TASP1: variants seen among roughly 807,000 people sequenced by gnomAD.
TASP1 encodes the protein threonine aspartase 1.
In TASP1, 16 loss-of-function variants were observed where a neutral mutation model predicts 56.6. The ratio of observed to expected loss-of-function variants is 0.28; its 90% CI spans 0.19 to 0.43. The LOEUF is 0.43. Among genes scored for constraint, TASP1 ranks in the 20% least tolerant of loss-of-function variants. TASP1 has a pLI of 1.00. For missense variants in TASP1, 393 were observed against 511.6 expected (o/e 0.77, Z 2.24); for synonymous variants, 179 against 184.2 (o/e 0.97, Z 0.23).
At chr20:13,394,603 C>A (rs1466430772) in intron 13 of TASP1, among the ~76,000 whole-genome samples, 1 of 150,902 alleles carries the variant, frequency 6.6e-6, no homozygotes, top group Admixed American at 6.6e-5. Context: ...CAGAGCGAGA[C>A]TCTATCTCAA....
chr20:13,378,883 C>T, the TASP1 span, among the ~76,000 whole-genome samples: 1 of 152,144 alleles, frequency 6.6e-6, no homozygotes, highest in Non-Finnish European at 1.5e-5. Flanking sequence ...TTATCAAATA[C>T]TAAGATTGCC....
At chr20:13,402,198 T>A (rs1237978161) in intron 13 of TASP1, among the ~76,000 whole-genome samples, 2 of 152,236 alleles carry the variant, frequency 1.3e-5, no homozygotes, top group African/African-American at 4.8e-5. Context: ...TGTTTTTCTA[T>A]TTATTGCTTT....
the TASP1 span, among the ~76,000 whole-genome samples, chr20:13,257,168 A>G: frequency 6.6e-6 from 1 of 152,194 alleles, no homozygotes; most frequent in African/African-American, 2.4e-5. Flanking sequence ...ATTTTCCTGT[A>G]TGTCTTATTG....
intron 11 of TASP1, among the ~76,000 whole-genome samples, chr20:13,442,741 G>A (rs1443008352): frequency 1.3e-5 from 2 of 151,992 alleles, no homozygotes; most frequent in Non-Finnish European, 2.9e-5. Context: ...AGGCTACCAT[G>A]CAAGCTTATA....
the TASP1 span, among the ~76,000 whole-genome samples, chr20:13,331,530 A>G: frequency 6.6e-6 from 1 of 152,210 alleles, no homozygotes; most frequent in Non-Finnish European, 1.5e-5. Flanking sequence ...TGATAAAGAA[A>G]AGTCTCAGCT....
intron 11 of TASP1, among the ~76,000 whole-genome samples, chr20:13,462,086 C>T (rs1210981349): frequency 4.6e-5 from 7 of 152,042 alleles, no homozygotes; most frequent in Non-Finnish European, 8.8e-5. Flanking sequence ...GACCTCTGGA[C>T]ATCTTATTAT....
the TASP1 span, among the ~76,000 whole-genome samples, chr20:13,237,585 A>G: frequency 1.3e-5 from 2 of 152,196 alleles, no homozygotes; most frequent in African/African-American, 4.8e-5. Context: ...CAAGGAGGGC[A>G]GCTAGGGTGC....
intron 6 of TASP1, among the ~76,000 whole-genome samples, chr20:13,573,278 T>C (rs533159311): frequency 6.6e-6 from 1 of 152,306 alleles, no homozygotes; most frequent in Admixed American, 6.5e-5. Flanking sequence ...GGTATTGGGA[T>C]TGCATTAGGA....
the TASP1 span, among the ~76,000 whole-genome samples, chr20:13,294,177 A>G: frequency 6.6e-6 from 1 of 152,132 alleles, no homozygotes; most frequent in Non-Finnish European, 1.5e-5. Context: ...ATTTTGCCAG[A>G]TTATATCTTA....
chr20:13,520,727 T>A (rs1290833610), intron 10 of TASP1, among the ~76,000 whole-genome samples: 2 of 152,046 alleles, frequency 1.3e-5, no homozygotes, highest in African/African-American at 4.8e-5. Context: ...GGACTTCATG[T>A]CTAAAACACC....
At chr20:13,344,101 T>A in the TASP1 span, among the ~76,000 whole-genome samples, 1 of 152,108 alleles carries the variant, frequency 6.6e-6, no homozygotes, top group East Asian at 1.9e-4. Flanking sequence ...TTAGAGAGCA[T>A]TCTCTTTTCT....
At chr20:13,422,097 G>A (rs901756051) in intron 12 of TASP1, among the ~76,000 whole-genome samples, 12 of 151,532 alleles carry the variant, frequency 7.9e-5, no homozygotes, top group Non-Finnish European at 1.3e-4. Flanking sequence ...GACTACAGGC[G>A]CCCACCACCA....
At chr20:13,568,779 A>G (rs894820212) in intron 7 of TASP1, among the ~76,000 whole-genome samples, 2 of 152,152 alleles carry the variant, frequency 1.3e-5, no homozygotes, top group African/African-American at 4.8e-5. Context: ...TATCTGTACT[A>G]CTTAGTTGTC....
chr20:13,522,433 T>G (rs894454800), intron 10 of TASP1, among the ~76,000 whole-genome samples: 1 of 152,036 alleles, frequency 6.6e-6, no homozygotes, highest in Non-Finnish European at 1.5e-5. Flanking sequence ...TTAAATATAT[T>G]CAGAGAGGAG....
At position 13,395,562 on chromosome 20, in the gene TASP1, T is replaced by C. The variant is rs147113466; in HGVS notation, c.1171-5110A>G. 4.5e-3 allele frequency among the ~76,000 whole-genome samples: 685 copies of C among 152,346 alleles called. 3 individuals carry two copies. The highest frequency in any genetic ancestry group is 0.01 in the East Asian group (53 of 5,186). On this transcript the variant is annotated intron_variant, in intron 13 of 13. Coordinates refer to ENST00000337743, the MANE Select transcript of TASP1 (RefSeq NM_017714.3). ...TTAACAACAAGTTAAGCTTCTCTTC[T>C]GTATTTATCACTACTTGGGCAATGT...
At chr20:13,251,535 G>A in the TASP1 span, among the ~76,000 whole-genome samples, 2 of 152,230 alleles carry the variant, frequency 1.3e-5, no homozygotes, top group Admixed American at 1.3e-4. Flanking sequence ...CAGGGCCTGA[G>A]ATCATGATCT....
chr20:13,598,493 A>C (rs931449098), intron 4 of TASP1, among the ~76,000 whole-genome samples: 8 of 152,230 alleles, frequency 5.3e-5, no homozygotes, highest in African/African-American at 1.9e-4. Context: ...TAGAAAGCTG[A>C]AACTGGATCC....
At chr20:13,417,644 T>C (rs2042302050) in intron 12 of TASP1, 123 bp from the exon 13 acceptor site, 2 of 989,796 alleles carry the variant, frequency 2.0e-6, no homozygotes, top group Admixed American at 6.0e-5. Flanking sequence ...CACTTTCCAT[T>C]TGCTTGTTCA....
the TASP1 span, among the ~76,000 whole-genome samples, chr20:13,190,931 C>A: frequency 6.6e-6 from 1 of 151,768 alleles, no homozygotes; most frequent in Non-Finnish European, 1.5e-5. Context: ...AGCAAATTAT[C>A]CAAACAGACT....
Sources: gnomAD v4.1 joint callset for allele counts (sites outside exome capture counted in the v4.1 genomes callset) on GRCh38, gnomAD v4.1.1 for gene constraint, MANE v1.5 for transcripts, NCBI Gene and HGNC (gene_info 2026-07-23, HGNC 2026-07-21) for gene names.